The following SGCZ variants were observed in gnomAD, a reference collection of about 807,000 sequenced individuals.
The protein encoded by SGCZ is zeta-sarcoglycan.
Under a neutral mutation model 41.3 loss-of-function variants are expected in SGCZ, and 40 were observed. The ratio of observed to expected loss-of-function variants is 0.97; its 90% confidence interval spans 0.75 to 1.26. The LOEUF is 1.26. SGCZ is among the 50% of genes most tolerant of loss of function. SGCZ has a pLI of 0.00. For synonymous variants in SGCZ, 206 were observed against 137.5 expected, an observed-to-expected ratio of 1.50 and a Z score of -3.49; for missense variants, 552 against 369.8, an observed-to-expected ratio of 1.49 and a Z score of -4.04.
intron 1 of SGCZ, among the ~76,000 whole-genome samples, chr8:14,869,092 G>A (rs550576282): frequency 3.9e-5 from 6 of 152,156 alleles, no homozygotes; most frequent in African/African-American, 1.4e-4. Context: ...AATTTATGAG[G>A]CCAGCATCAT....
rs375956630 is a variant in SGCZ, at chr8:14,715,284, CA to C, written c.40-160359del. Among the ~76,000 whole-genome samples the C allele has an allele frequency of 9.6e-3, 1,454 of 151,382 alleles. 17 individuals are homozygous for C. Among genetic ancestry groups the C allele is most frequent in the Middle Eastern group, 0.031 (9 of 294 alleles). ...AATACCTCCTCCTAATAGAGTATGCCAAAAAAATTGGGGAGGAAAAAACTGA... is the reference window on the plus strand; with the variant it reads ...AATACCTCCTCCTAATAGAGTATGCCAAAAAATTGGGGAGGAAAAAACTGA... On this transcript the variant is annotated intron_variant, in intron 1 of 7. Coordinates refer to ENST00000382080, the MANE Select transcript of SGCZ (RefSeq NM_139167.4).
intron 2 of SGCZ, among the ~76,000 whole-genome samples, chr8:14,351,029 A>T (rs73518236): frequency 0.057 from 8,626 of 152,088 alleles, 718 homozygotes; most frequent in African/African-American, 0.18. Flanking sequence ...TTGCTGTACA[A>T]CTTGACTGCT....
At chr8:14,664,000 C>G (rs969279299) in intron 1 of SGCZ, among the ~76,000 whole-genome samples, 8 of 152,040 alleles carry the variant, frequency 5.3e-5, no homozygotes, top group African/African-American at 1.9e-4. Context: ...TCAGACAGAG[C>G]AAGAAAATTT....
At chr8:14,788,439 A>G (rs1311709347) in intron 1 of SGCZ, among the ~76,000 whole-genome samples, 1 of 152,186 alleles carries the variant, frequency 6.6e-6, no homozygotes, top group East Asian at 1.9e-4. Context: ...AATGACACAA[A>G]AAGTGGAAGA....
intron 2 of SGCZ, among the ~76,000 whole-genome samples, chr8:14,372,567 T>A (rs1047115523): frequency 6.6e-6 from 1 of 152,082 alleles, no homozygotes; most frequent in Non-Finnish European, 1.5e-5. Context: ...GGGTAGGAAG[T>A]ACAGGTGGGT....
At chr8:14,215,872 C>G (rs115801807) in intron 4 of SGCZ, among the ~76,000 whole-genome samples, 5,583 of 152,246 alleles carry the variant, frequency 0.037, 155 homozygotes, top group African/African-American at 0.079. Context: ...CAGATGGTGC[C>G]GGGTGCAACC....
chr8:14,925,390 G>A (rs1799715449), intron 1 of SGCZ, among the ~76,000 whole-genome samples: 1 of 152,096 alleles, frequency 6.6e-6, no homozygotes, highest in Non-Finnish European at 1.5e-5. Context: ...CCCGGAAAAA[G>A]GAAAGGACAA....
chr8:14,107,178 T>C (rs1280333524), intron 6 of SGCZ, among the ~76,000 whole-genome samples: 2 of 151,430 alleles, frequency 1.3e-5, no homozygotes, highest in Non-Finnish European at 2.9e-5. Flanking sequence ...ATAGCACCGC[T>C]GCACTCCAGC....
At chr8:15,004,550 G>C (rs1348812146) in intron 1 of SGCZ, among the ~76,000 whole-genome samples, 1 of 152,098 alleles carries the variant, frequency 6.6e-6, no homozygotes, top group East Asian at 1.9e-4. Context: ...AGAACTCCTG[G>C]GTTGCAGTGT....
At chr8:14,407,220 C>T (rs534841139) in intron 2 of SGCZ, among the ~76,000 whole-genome samples, 1 of 151,936 alleles carries the variant, frequency 6.6e-6, no homozygotes, top group Non-Finnish European at 1.5e-5. Flanking sequence ...AGGTGTGTGC[C>T]ACCATGCCCA....
intron 4 of SGCZ, among the ~76,000 whole-genome samples, chr8:14,217,438 A>G (rs1488926306): frequency 1.3e-5 from 2 of 152,030 alleles, no homozygotes; most frequent in East Asian, 3.9e-4. Context: ...TGGTATAGTT[A>G]CATAAGAGAT....
intron 2 of SGCZ, among the ~76,000 whole-genome samples, chr8:14,333,116 C>A (rs529813217): frequency 6.6e-6 from 1 of 152,110 alleles, no homozygotes; most frequent in South Asian, 2.1e-4. Flanking sequence ...ATAGCTCAGT[C>A]TAATATTAGT....
At chr8:15,142,149 T>G (rs1316270554) in intron 1 of SGCZ, among the ~76,000 whole-genome samples, 3 of 152,114 alleles carry the variant, frequency 2.0e-5, no homozygotes, top group African/African-American at 7.2e-5. Context: ...AAACACGAGA[T>G]GATTCTTTTC....
intron 1 of SGCZ, among the ~76,000 whole-genome samples, chr8:15,140,780 C>T (rs964922605): frequency 2.0e-5 from 3 of 152,148 alleles, no homozygotes; most frequent in African/African-American, 7.2e-5. Flanking sequence ...GCTCAGTTAT[C>T]CTGCTCATTC....
chr8:14,313,393 A>G (rs1801609736), intron 3 of SGCZ, among the ~76,000 whole-genome samples: 1 of 152,142 alleles, frequency 6.6e-6, no homozygotes, highest in Non-Finnish European at 1.5e-5. Context: ...GGCTCACTGC[A>G]TCCTCCGCCT....
chr8:14,197,842 C>G (rs1040911238), intron 4 of SGCZ, among the ~76,000 whole-genome samples: 2 of 151,934 alleles, frequency 1.3e-5, no homozygotes, highest in African/African-American at 4.8e-5. Context: ...ATGAATAACA[C>G]AGAGTCTGGA....
At chr8:14,471,374 C>T (rs1466222581) in intron 2 of SGCZ, among the ~76,000 whole-genome samples, 1 of 152,024 alleles carries the variant, frequency 6.6e-6, no homozygotes, top group Non-Finnish European at 1.5e-5. Flanking sequence ...ACTAAAGATG[C>T]TCATTAAACA....
At chr8:14,745,413 T>C (rs890405326) in intron 1 of SGCZ, among the ~76,000 whole-genome samples, 2 of 152,078 alleles carry the variant, frequency 1.3e-5, no homozygotes, top group African/African-American at 2.4e-5. Context: ...AAAGAGATGA[T>C]ATAGGATCAA....
intron 1 of SGCZ, among the ~76,000 whole-genome samples, chr8:14,594,439 C>A (rs540328271): frequency 3.4e-4 from 52 of 151,958 alleles, no homozygotes; most frequent in African/African-American, 1.2e-3. Flanking sequence ...TATGTAATAC[C>A]TTAACTTCAG....
Sources: allele counts gnomAD v4.1 joint callset (sites outside exome capture counted in the v4.1 genomes callset), GRCh38; gene constraint gnomAD v4.1.1; transcripts MANE v1.5; gene names NCBI Gene and HGNC (gene_info 2026-07-23, HGNC 2026-07-21).